CIB1: variants seen among roughly 807,000 people sequenced by gnomAD.
The protein encoded by CIB1 is calcium and integrin-binding protein 1.
A neutral mutation model predicts 25.0 loss-of-function variants in CIB1; 19 were observed. The ratio of observed to expected loss-of-function variants is 0.76; its 90% confidence interval spans 0.53 to 1.12. The LOEUF is 1.12. Ranked by LOEUF, CIB1 falls within the 50% of genes most tolerant of loss-of-function variation. CIB1 has a pLI of 0.00. For missense variants in CIB1, 236 were observed against 242.6 expected, an observed-to-expected ratio of 0.97 and a Z score of 0.18; for synonymous variants, 104 against 98.5, an observed-to-expected ratio of 1.06 and a Z score of -0.33.
At chr15:90,264,124 T>A in the CIB1 span, 1 of 989,206 alleles carries the variant, frequency 1.0e-6, no homozygotes, top group Non-Finnish European at 1.5e-6. Flanking sequence ...GCATAGAGCT[T>A]GGATGCCCCT....
At chr15:90,241,949 C>T in the CIB1 span, 2 of 1,614,184 alleles carry the variant, frequency 1.2e-6, no homozygotes, top group Non-Finnish European at 1.7e-6. Flanking sequence ...CCCAGGACTT[C>T]AGCAGCCTGA....
chr15:90,249,952 TTTA>T, the CIB1 span: 3 of 143,736 alleles, frequency 2.1e-5, no homozygotes, highest in African/African-American at 8.8e-5. Flanking sequence ...TTTTATTTTA[TTTA>T]TTTATTTATT....
upstream of CIB1, among the ~76,000 whole-genome samples, chr15:90,237,727 G>A (rs923787342): frequency 3.3e-5 from 5 of 151,146 alleles, no homozygotes; most frequent in African/African-American, 7.3e-5. Flanking sequence ...TTTTGGTTTT[G>A]TATTATTTTT....
chr15:90,238,236 G>A (rs998396022), upstream of CIB1, among the ~76,000 whole-genome samples: 6 of 152,170 alleles, frequency 3.9e-5, no homozygotes, highest in Admixed American at 3.9e-4. Context: ...GGTGGTGGAG[G>A]TTGCAGTGAG....
the CIB1 span, chr15:90,255,679 C>A: frequency 6.3e-7 from 1 of 1,599,488 alleles, no homozygotes; most frequent in Non-Finnish European, 8.6e-7. Context: ...AATCCTCCTC[C>A]ACTGCTTCCT....
At chr15:90,263,280 C>G in the CIB1 span, 4 of 790,272 alleles carry the variant, frequency 5.1e-6, no homozygotes, top group Non-Finnish European at 7.8e-6. Context: ...AGTGCGCTAG[C>G]TGGACCTTGG....
At chr15:90,250,817 AAG>A in the CIB1 span, 292 of 1,614,068 alleles carry the variant, frequency 1.8e-4, no homozygotes, top group Middle Eastern at 4.9e-4. Flanking sequence ...AAAAATTCCG[AAG>A]AAAGTCATAG....
chr15:90,241,812 C>G, the CIB1 span: 3 of 1,614,246 alleles, frequency 1.9e-6, no homozygotes, highest in African/African-American at 4.0e-5. Context: ...AAAGACATCA[C>G]CTTCCTCAGC....
the CIB1 span, chr15:90,253,361 G>A: frequency 6.2e-7 from 1 of 1,611,580 alleles, no homozygotes; most frequent in Non-Finnish European, 8.5e-7. Flanking sequence ...ACATGAAGAG[G>A]TTTCAGGTAC....
At chr15:90,235,320 C>G (rs1320494963), upstream of CIB1, among the ~76,000 whole-genome samples, 1 of 152,174 alleles carries the variant, frequency 6.6e-6, no homozygotes, top group Non-Finnish European at 1.5e-5. Context: ...AATCTCAGCA[C>G]TTTGGGAGGC....
At chr15:90,253,377 T>C in the CIB1 span, 10 of 1,604,344 alleles carry the variant, frequency 6.2e-6, no homozygotes, top group South Asian at 8.9e-5. Flanking sequence ...GGTACCCATC[T>C]CCTGACCTGA....
upstream of CIB1, among the ~76,000 whole-genome samples, chr15:90,236,774 G>A (rs2151638406): frequency 6.6e-6 from 1 of 151,736 alleles, no homozygotes; most frequent in East Asian, 1.9e-4. Flanking sequence ...CTGATCTCTT[G>A]ATCCGCCTCC....
At chr15:90,248,976 A>C in the CIB1 span, among the ~76,000 whole-genome samples, 12 of 152,040 alleles carry the variant, frequency 7.9e-5, no homozygotes, top group Non-Finnish European at 1.6e-4. Flanking sequence ...ACCAGAGGCA[A>C]AGCCTTGAAA....
At chr15:90,251,613 G>A in the CIB1 span, 457,783 of 1,609,698 alleles carry the variant, frequency 0.28, 72,842 homozygotes, top group East Asian at 0.66. Flanking sequence ...CCAGCCCGTC[G>A]CTCACACTGT....
the CIB1 span, chr15:90,257,003 TG>T: frequency 1.2e-6 from 1 of 849,104 alleles, no homozygotes; most frequent in Non-Finnish European, 1.8e-6. Flanking sequence ...ATTTATTAAG[TG>T]GGAGTAATAA....
At position 90,232,285 on chromosome 15, in the gene CIB1, C is replaced by T. The variant is rs376340900; in HGVS notation, c.129G>A (p.Arg43=). 1.2e-5 allele frequency: 19 copies of T among 1,612,216 alleles called. No homozygotes were observed. Among genetic ancestry groups the T allele is most frequent in the Admixed American group, 6.7e-5 (4 of 59,900 alleles). Residue 43 remains arginine (R), a synonymous_variant, in exon 3 of 7, where the codon CGG becomes CGA. Transcript: ENST00000328649. ...GTGCCCGAAGTGACGACTCCACGCTCCGCTGCTCCTGGGGAAGCAGCTCAC... is the reference window on the plus strand; with the variant it reads ...GTGCCCGAAGTGACGACTCCACGCTTCGCTGCTCCTGGGGAAGCAGCTCAC... ...RFCELLPQEQ[R]SVESSLRAQV...
chr15:90,253,214 C>A, the CIB1 span: 1 of 1,567,132 alleles, frequency 6.4e-7, no homozygotes, highest in Non-Finnish European at 8.8e-7. Context: ...TTGCTGGTGT[C>A]CATGCTGGCA....
At chr15:90,265,731 C>A in the CIB1 span, 2 of 1,613,278 alleles carry the variant, frequency 1.2e-6, no homozygotes, top group Non-Finnish European at 1.7e-6. Flanking sequence ...TACCCTGAGT[C>A]TCTTGCTGGG....
At chr15:90,262,448 C>G in the CIB1 span, 1 of 1,441,598 alleles carries the variant, frequency 6.9e-7, no homozygotes. Flanking sequence ...CCTCTTCTCC[C>G]CAACACCATT....
Sources: allele counts gnomAD v4.1 joint callset (sites outside exome capture counted in the v4.1 genomes callset), GRCh38; gene constraint gnomAD v4.1.1; transcripts MANE v1.5; gene names NCBI Gene and HGNC (gene_info 2026-07-23, HGNC 2026-07-21).